The following TMTC1 variants were observed in gnomAD, a reference collection of about 807,000 sequenced individuals.
TMTC1 encodes transmembrane O-mannosyltransferase targeting cadherins 1.
TMTC1 carries 73 observed loss-of-function variants against 104.8 expected under a neutral mutation model. The ratio of observed to expected loss-of-function variants is 0.70; its 90% CI spans 0.58 to 0.85. The LOEUF is 0.85. Ranked by LOEUF, TMTC1 falls within the 40% of genes least tolerant of loss-of-function variation. The pLI is 0.00. For missense variants in TMTC1, 1,035 were observed against 1,096.1 expected (o/e 0.94, Z 0.79); for synonymous variants, 434 against 428.7 (o/e 1.01, Z -0.15).
chr12:29,689,404 C>T (rs1281107907), intron 5 of TMTC1, among the ~76,000 whole-genome samples: 1 of 152,108 alleles, frequency 6.6e-6, no homozygotes, highest in East Asian at 1.9e-4. Context: ...AACTCCACCT[C>T]CCAGGTTCAA....
At chr12:29,643,612 A>ATCT (rs1491497993) in intron 5 of TMTC1, among the ~76,000 whole-genome samples, 16 of 35,222 alleles carry the variant, frequency 4.5e-4, no homozygotes, top group Non-Finnish European at 7.1e-4. Flanking sequence ...TATTATATAT[A>ATCT]ATATATATCT....
intron 2 of TMTC1, among the ~76,000 whole-genome samples, chr12:29,763,528 T>C (rs1032508895): frequency 4.6e-5 from 7 of 152,226 alleles, no homozygotes; most frequent in South Asian, 2.1e-4. Flanking sequence ...CCTGTGCCAG[T>C]TGGAAACATA....
At chr12:29,688,276 T>C (rs1262709149) in intron 5 of TMTC1, among the ~76,000 whole-genome samples, 1 of 152,176 alleles carries the variant, frequency 6.6e-6, no homozygotes, top group African/African-American at 2.4e-5. Context: ...TCTCTCTAAA[T>C]ATCTAAAAAA....
chr12:29,628,082 TATAA>T (rs1181154930), intron 6 of TMTC1, among the ~76,000 whole-genome samples: 1 of 152,258 alleles, frequency 6.6e-6, no homozygotes, highest in East Asian at 1.9e-4. Flanking sequence ...CAATCCAGCT[TATAA>T]ATAATGGACT....
At chr12:29,683,259 C>G (rs1358419674) in intron 5 of TMTC1, among the ~76,000 whole-genome samples, 1 of 152,040 alleles carries the variant, frequency 6.6e-6, no homozygotes, top group Non-Finnish European at 1.5e-5. Context: ...GATTCAATCA[C>G]GAGGTCAAGA....
rs66652706 is a variant in TMTC1, at chr12:29,668,454, C to CTTTT, written c.939-35122_939-35119dup. On this transcript the variant is annotated intron_variant, in intron 5 of 17. Coordinates refer to ENST00000539277, the MANE Select transcript of TMTC1 (RefSeq NM_001193451.2). Reference sequence around the variant, plus strand: ...CCACATTCAAACCATACCAACTTATCTTTTTTTTTTTTTTTTTTTTTTTTG... The same window carrying CTTTT: ...CCACATTCAAACCATACCAACTTATCTTTTTTTTTTTTTTTTTTTTTTTTTTTTG... 6.3e-3 allele frequency among the ~76,000 whole-genome samples: 565 copies of CTTTT among 90,030 alleles called. 43 individuals are homozygous for CTTTT. The highest frequency in any genetic ancestry group is 0.024 in the African/African-American group (529 of 21,984). 59.1% of individuals were successfully genotyped at this position (90,030 alleles called of 152,430 possible). A position where few individuals can be genotyped will look rare whatever the true frequency, so the allele number is the denominator to read the frequency against.
intron 2 of TMTC1, among the ~76,000 whole-genome samples, chr12:29,759,342 CA>C (rs34621093): frequency 0.39 from 59,811 of 151,764 alleles, 12,335 homozygotes; most frequent in Admixed American, 0.54. Flanking sequence ...CAAAAATATA[CA>C]AAAATTAGCC....
intron 6 of TMTC1, among the ~76,000 whole-genome samples, chr12:29,612,490 C>T (rs905175447): frequency 3.3e-5 from 5 of 152,192 alleles, no homozygotes; most frequent in Non-Finnish European, 7.3e-5. Flanking sequence ...TCTTGGCTCA[C>T]TGCAACCTCC....
intron 7 of TMTC1, among the ~76,000 whole-genome samples, chr12:29,589,243 T>C (rs988268098): frequency 6.6e-6 from 1 of 152,198 alleles, no homozygotes; most frequent in Non-Finnish European, 1.5e-5. Context: ...CTTTAAATAC[T>C]AAAGACCTCA....
chr12:29,723,192 T>C (rs1032973201), intron 5 of TMTC1, among the ~76,000 whole-genome samples: 1 of 152,064 alleles, frequency 6.6e-6, no homozygotes, highest in Non-Finnish European at 1.5e-5. Context: ...CAGTTTCTTA[T>C]CCATTATAAG....
intron 5 of TMTC1, among the ~76,000 whole-genome samples, chr12:29,659,176 C>T: frequency 6.6e-6 from 1 of 152,202 alleles, no homozygotes; most frequent in East Asian, 1.9e-4. Flanking sequence ...GCACACTGTT[C>T]TGTAACATTC....
intron 5 of TMTC1, among the ~76,000 whole-genome samples, chr12:29,712,228 T>C (rs554901978): frequency 2.9e-4 from 44 of 152,290 alleles, no homozygotes; most frequent in African/African-American, 9.9e-4. Context: ...ACTGTGGTCG[T>C]ATATGTGTGC....
intron 5 of TMTC1, among the ~76,000 whole-genome samples, chr12:29,639,946 G>A (rs1052776484): frequency 1.3e-5 from 2 of 152,160 alleles, no homozygotes; most frequent in African/African-American, 4.8e-5. Flanking sequence ...AAACAAGGCT[G>A]GTACTAGAAA....
At chr12:29,598,198 G>A (rs1288479549) in intron 7 of TMTC1, among the ~76,000 whole-genome samples, 1 of 152,160 alleles carries the variant, frequency 6.6e-6, no homozygotes, top group Non-Finnish European at 1.5e-5. Context: ...TGATTTCCCT[G>A]TTGATATTAA....
At chr12:29,757,209 A>G (rs1320266251) in intron 3 of TMTC1, among the ~76,000 whole-genome samples, 1 of 152,226 alleles carries the variant, frequency 6.6e-6, no homozygotes, top group Non-Finnish European at 1.5e-5. Flanking sequence ...AAAACTTCCT[A>G]AGACTTAATT....
intron 2 of TMTC1, among the ~76,000 whole-genome samples, chr12:29,760,275 C>T (rs1029165263): frequency 6.6e-6 from 1 of 151,872 alleles, no homozygotes; most frequent in African/African-American, 2.4e-5. Context: ...TACATATATA[C>T]AGCAAGCAAG....
intron 6 of TMTC1, among the ~76,000 whole-genome samples, chr12:29,632,441 G>A (rs80010498): frequency 0.025 from 3,744 of 152,182 alleles, 163 homozygotes; most frequent in African/African-American, 0.086. Context: ...CTGTGATAGC[G>A]AGTTAGTTCT....
At chr12:29,718,918 G>A in intron 5 of TMTC1, among the ~76,000 whole-genome samples, 1 of 135,540 alleles carries the variant, frequency 7.4e-6, no homozygotes. Context: ...GGGTGACAGA[G>A]CGAGACTCCA....
At chr12:29,747,574 T>C (rs1352396695) in intron 5 of TMTC1, among the ~76,000 whole-genome samples, 1 of 152,222 alleles carries the variant, frequency 6.6e-6, no homozygotes, top group Non-Finnish European at 1.5e-5. Context: ...CATATGACTA[T>C]GTCCTAATAG....
Sources: allele counts gnomAD v4.1 joint callset (sites outside exome capture counted in the v4.1 genomes callset), GRCh38; gene constraint gnomAD v4.1.1; transcripts MANE v1.5; gene names NCBI Gene and HGNC (gene_info 2026-07-23, HGNC 2026-07-21).